The following ADCK1 variants were observed in gnomAD, a reference collection of about 807,000 sequenced individuals.
ADCK1 encodes aarF domain-containing protein kinase 1.
Under a neutral mutation model 52.3 loss-of-function variants are expected in ADCK1, and 41 were observed. The observed-to-expected ratio is 0.78, with a 90% CI of 0.61 to 1.02. The LOEUF (loss-of-function observed/expected upper bound fraction) is 1.02, where lower values mean the gene tolerates loss of function less well. Among genes scored for constraint, ADCK1 ranks in the 50% least tolerant of loss-of-function variants. The probability of loss-of-function intolerance (pLI) is 0.00; values close to 1 mark genes in which losing one functional copy is unlikely to be tolerated. For synonymous variants in ADCK1, 250 were observed against 274.6 expected (o/e 0.91, Z 0.89); for missense variants, 658 against 679.5 (o/e 0.97, Z 0.35).
chr14:77,860,733 C>T (rs2082526763), intron 4 of ADCK1, among the ~76,000 whole-genome samples: 1 of 152,162 alleles, frequency 6.6e-6, no homozygotes, highest in Non-Finnish European at 1.5e-5. Flanking sequence ...TAGTGCTGGC[C>T]CACTCATGGC....
rs2140290837 is a variant in ADCK1, at chr14:77,923,041, A to C, written c.859-1416A>C. 6.6e-6 allele frequency among the ~76,000 whole-genome samples: 1 copy of C among 152,392 alleles called. No homozygotes were observed. The highest frequency in any genetic ancestry group is 2.1e-4 in the South Asian group (1 of 4,830). ...ACATAATAGAGCCAGTCTGTGGTCC[A>C]TAAATTATACCTCAACAAAGCTGTT... is the stretch of plus-strand genomic sequence containing the variant. On this transcript the variant is annotated intron_variant, in intron 7 of 10. Transcript: ENST00000238561. The surrounding 1 kb of genome is among the most constrained non-coding windows in gnomAD (Gnocchi z 4.3).
chr14:77,892,952 G>A (rs545349595), intron 5 of ADCK1, among the ~76,000 whole-genome samples: 1 of 152,304 alleles, frequency 6.6e-6, no homozygotes, highest in East Asian at 1.9e-4. Flanking sequence ...CCCTTGGAGA[G>A]GGGAGAGAGC....
intron 9 of ADCK1, among the ~76,000 whole-genome samples, chr14:77,928,387 C>T (rs1436713736): frequency 6.6e-6 from 1 of 151,906 alleles, no homozygotes; most frequent in African/African-American, 2.4e-5. Flanking sequence ...AAACCTCAGG[C>T]CTGGATGAGG....
At chr14:77,921,064 C>T (rs905997113) in intron 7 of ADCK1, among the ~76,000 whole-genome samples, 1 of 151,698 alleles carries the variant, frequency 6.6e-6, no homozygotes, top group African/African-American at 2.4e-5. Context: ...CGGTGGCTCA[C>T]GCCTGTAATC....
chr14:77,846,471 C>T (rs1226507054), intron 3 of ADCK1, among the ~76,000 whole-genome samples: 1 of 152,188 alleles, frequency 6.6e-6, no homozygotes, highest in Non-Finnish European at 1.5e-5. Context: ...TGTGATGGGG[C>T]TTTGAGCTGA....
chr14:77,836,606 C>T (rs1240245356), intron 3 of ADCK1, among the ~76,000 whole-genome samples: 1 of 152,058 alleles, frequency 6.6e-6, no homozygotes, highest in Non-Finnish European at 1.5e-5. Flanking sequence ...TTCTTAAGGC[C>T]AGAGGCCCAA....
chr14:77,863,773 G>A (rs2082603297), intron 4 of ADCK1, among the ~76,000 whole-genome samples: 1 of 151,960 alleles, frequency 6.6e-6, no homozygotes, highest in Non-Finnish European at 1.5e-5. Context: ...GGAGGCGGAG[G>A]TTGCAGTGAG....
At chr14:77,890,079 A>G (rs1201365271) in intron 5 of ADCK1, among the ~76,000 whole-genome samples, 2 of 152,366 alleles carry the variant, frequency 1.3e-5, no homozygotes, top group East Asian at 1.9e-4. Context: ...TGAAAGCACT[A>G]TATTAGTTAT....
At chr14:77,914,946 A>C (rs2083883684) in intron 7 of ADCK1, among the ~76,000 whole-genome samples, 1 of 151,912 alleles carries the variant, frequency 6.6e-6, no homozygotes, top group African/African-American at 2.4e-5. Flanking sequence ...CCTTACCCCC[A>C]CTGTAAAAGC....
chr14:77,933,569 G>A lies in ADCK1; in HGVS notation c.*178G>A, dbSNP rs548035763. 3 of 677,520 alleles carry A rather than the reference G, an allele frequency of 4.4e-6. No individual in the cohort carries two copies. In the South Asian group the frequency reaches 6.5e-5, roughly 15 times the overall value. 42.0% of individuals were successfully genotyped at this position (677,520 alleles called of 1,614,324 possible). A position where few individuals can be genotyped will look rare whatever the true frequency, so the allele number is the denominator to read the frequency against. On this transcript the variant is annotated 3_prime_UTR_variant, in exon 11 of 11. Coordinates refer to ENST00000238561, the MANE Select transcript of ADCK1 (RefSeq NM_020421.4). ...TCCGCACACTGTGGCCCTTGTCTCA[G>A]GGCCCACAAGCTGAACTGTGGCATA...
intron 3 of ADCK1, among the ~76,000 whole-genome samples, chr14:77,841,445 A>G (rs993249951): frequency 5.9e-5 from 9 of 151,842 alleles, no homozygotes; most frequent in Non-Finnish European, 1.3e-4. Context: ...TCTTTAGGGG[A>G]AAAAAAACTC....
At chr14:77,909,062 C>T in intron 7 of ADCK1, among the ~76,000 whole-genome samples, 1 of 150,764 alleles carries the variant, frequency 6.6e-6, no homozygotes. Flanking sequence ...TTGGGGAGTG[C>T]AGCAACATGT....
At chr14:77,874,864 T>A (rs1460484436) in intron 4 of ADCK1, among the ~76,000 whole-genome samples, 2 of 152,120 alleles carry the variant, frequency 1.3e-5, no homozygotes, top group African/African-American at 4.8e-5. Flanking sequence ...TTTGAGTGAC[T>A]GCAGGGAGGT....
intron 3 of ADCK1, among the ~76,000 whole-genome samples, chr14:77,836,769 C>CT (rs1293120244): frequency 0.18 from 13,747 of 74,430 alleles, 919 homozygotes; most frequent in Middle Eastern, 0.25. Context: ...TTCTTTCTTT[C>CT]TTTCTTTTTT....
intron 1 of ADCK1, among the ~76,000 whole-genome samples, chr14:77,802,784 A>G (rs1265324538): frequency 6.6e-6 from 1 of 152,076 alleles, no homozygotes; most frequent in Non-Finnish European, 1.5e-5. Context: ...CACCGTCTCT[A>G]CTAAAAAAAA....
At chr14:77,884,945 T>C (rs1338596831) in intron 4 of ADCK1, among the ~76,000 whole-genome samples, 1 of 152,186 alleles carries the variant, frequency 6.6e-6, no homozygotes, top group Non-Finnish European at 1.5e-5. Flanking sequence ...ATGTTTGAGG[T>C]CTTTGGATTC....
chr14:77,823,153 C>T (rs1056141292), intron 3 of ADCK1, among the ~76,000 whole-genome samples: 4 of 152,016 alleles, frequency 2.6e-5, no homozygotes, highest in South Asian at 2.1e-4. Flanking sequence ...TTAGATATCC[C>T]GGAGACTTGG....
intron 2 of ADCK1, among the ~76,000 whole-genome samples, chr14:77,821,433 A>G (rs565855941): frequency 6.6e-6 from 1 of 152,288 alleles, no homozygotes; most frequent in South Asian, 2.1e-4. Flanking sequence ...CTTAATATCA[A>G]CTTTGTAAGT....
chr14:77,890,760 A>G (rs1022134994), intron 5 of ADCK1, among the ~76,000 whole-genome samples: 1 of 152,230 alleles, frequency 6.6e-6, no homozygotes, highest in African/African-American at 2.4e-5. Context: ...TTGAGACTCA[A>G]GAAAGTGGAG....
Sources: gnomAD v4.1 joint callset for allele counts (sites outside exome capture counted in the v4.1 genomes callset) on GRCh38, gnomAD v4.1.1 for gene constraint, Gnocchi (gnomAD v3.1) non-coding constraint, MANE v1.5 for transcripts, NCBI Gene and HGNC (gene_info 2026-07-23, HGNC 2026-07-21) for gene names.